SPIDR: variants seen among roughly 807,000 people sequenced by gnomAD.
SPIDR encodes the protein scaffold protein involved in DNA repair, also known as DNA repair-scaffolding protein.
A neutral mutation model predicts 104.6 loss-of-function variants in SPIDR; 93 were observed. The observed-to-expected ratio is 0.89, with a 90% CI of 0.75 to 1.06. The LOEUF (loss-of-function observed/expected upper bound fraction) is 1.06. SPIDR is among the 50% of genes least tolerant of loss of function. SPIDR has a pLI of 0.00. For synonymous variants in SPIDR, 431 were observed against 416.9 expected, an observed-to-expected ratio of 1.03 and a Z score of -0.41; for missense variants, 1,154 against 1,111.2, an observed-to-expected ratio of 1.04 and a Z score of -0.55.
chr8:47,261,749 C>T (rs1017000357), intron 1 of SPIDR, among the ~76,000 whole-genome samples: 18 of 152,184 alleles, frequency 1.2e-4, no homozygotes, highest in Non-Finnish European at 2.1e-4. Flanking sequence ...AACTTCTTTA[C>T]CACTACCATG....
intron 8 of SPIDR, among the ~76,000 whole-genome samples, chr8:47,448,842 A>G (rs1371520675): frequency 6.6e-6 from 1 of 152,166 alleles, no homozygotes; most frequent in African/African-American, 2.4e-5. Context: ...GTAAAGACCA[A>G]AAAGTCAGAA....
At chr8:47,347,998 A>T (rs1212673441) in intron 5 of SPIDR, among the ~76,000 whole-genome samples, 4 of 152,082 alleles carry the variant, frequency 2.6e-5, no homozygotes, top group Non-Finnish European at 4.4e-5. Flanking sequence ...TTATGATGTT[A>T]GCTGGTTATT....
chr8:47,409,174 G>A (rs1474302900), intron 7 of SPIDR, among the ~76,000 whole-genome samples: 2 of 152,068 alleles, frequency 1.3e-5, no homozygotes, highest in African/African-American at 4.8e-5. Context: ...GACAGAGTGA[G>A]ACTCTGTCTC....
intron 10 of SPIDR, among the ~76,000 whole-genome samples, chr8:47,672,223 A>G (rs1479140268): frequency 6.6e-6 from 1 of 152,244 alleles, no homozygotes; most frequent in Non-Finnish European, 1.5e-5. Context: ...GGCCTACCAA[A>G]GTGCTGGGAT....
At chr8:47,587,817 G>T (rs1439829995) in intron 8 of SPIDR, among the ~76,000 whole-genome samples, 1 of 150,280 alleles carries the variant, frequency 6.7e-6, no homozygotes, top group Non-Finnish European at 1.5e-5. Context: ...AAAAAAATCA[G>T]TTGGGCATAT....
chr8:47,674,087 G>C, intron 11 of SPIDR, 146 bp downstream of exon 11: 13 of 883,182 alleles, frequency 1.5e-5, no homozygotes, highest in Non-Finnish European at 2.1e-5. Context: ...GGAGTTGAGT[G>C]GAATCTATAA....
intron 10 of SPIDR, among the ~76,000 whole-genome samples, chr8:47,652,523 GTCTTC>G (rs980470263): frequency 6.6e-6 from 1 of 152,196 alleles, no homozygotes; most frequent in African/African-American, 2.4e-5. Context: ...AAATAGAGTT[GTCTTC>G]TAAAAGTGGC....
At chr8:47,671,350 C>T (rs1339007464) in intron 10 of SPIDR, among the ~76,000 whole-genome samples, 1 of 152,016 alleles carries the variant, frequency 6.6e-6, no homozygotes, top group African/African-American at 2.4e-5. Flanking sequence ...TTTGGGAGAC[C>T]GAGGTAGGCA....
intron 12 of SPIDR, among the ~76,000 whole-genome samples, chr8:47,701,308 T>C (rs1431012052): frequency 6.6e-6 from 1 of 152,184 alleles, no homozygotes; most frequent in Non-Finnish European, 1.5e-5. Flanking sequence ...GGCTCATGGC[T>C]GTAATGCCAG....
intron 18 of SPIDR, 37 bp from the exon 19 acceptor site, chr8:47,729,375 G>A (rs1358182846): frequency 6.4e-7 from 1 of 1,567,638 alleles, no homozygotes; most frequent in Admixed American, 1.9e-5. Context: ...TACTGTGTTG[G>A]AGGGAGTTTA....
intron 7 of SPIDR, among the ~76,000 whole-genome samples, chr8:47,439,133 A>G (rs1192386377): frequency 1.3e-5 from 2 of 152,158 alleles, no homozygotes; most frequent in African/African-American, 2.4e-5. Flanking sequence ...AGAATTAGTA[A>G]CACATGTCAA....
rs530314933 is a variant in SPIDR, at chr8:47,418,540, A to G, written c.877+10579A>G. ...TTGGGCTGAGACGATGGGTTTTTCT[A>G]GATATACAATCATGTCATCTGCAAA... On this transcript the variant is annotated intron_variant, in intron 7 of 19. Transcript: ENST00000297423. Among the ~76,000 whole-genome samples, 15 of 152,288 alleles carry G rather than the reference A, an allele frequency of 9.8e-5. No individual in the cohort carries two copies. In the South Asian group the frequency reaches 2.9e-3, roughly 29 times the overall value.
chr8:47,362,152 T>C (rs1357500927), intron 5 of SPIDR, among the ~76,000 whole-genome samples: 2 of 152,182 alleles, frequency 1.3e-5, no homozygotes, highest in African/African-American at 2.4e-5. Context: ...GGTACACTCA[T>C]TTGAGGTCAG....
chr8:47,322,439 C>T (rs1281353946), intron 5 of SPIDR, among the ~76,000 whole-genome samples: 3 of 152,168 alleles, frequency 2.0e-5, no homozygotes, highest in Non-Finnish European at 4.4e-5. Context: ...CAGGAAACAA[C>T]AGGTGCTGGA....
rs376199621 is a variant in SPIDR, at chr8:47,385,984, T to C, written c.526-10392T>C. ...TTTAAAATGTATCCATATTTTGTTT[T>C]AGTTCTTTATAAAAATATTTTGATT... On this transcript the variant is annotated intron_variant, in intron 5 of 19. Transcript: ENST00000297423. Among the ~76,000 whole-genome samples the C allele has an allele frequency of 4.0e-3, 609 of 152,276 alleles. 4 individuals carry two copies. The highest frequency in any genetic ancestry group is 0.022 in the South Asian group (108 of 4,834).
intron 5 of SPIDR, among the ~76,000 whole-genome samples, chr8:47,350,017 C>T (rs2053142348): frequency 6.6e-6 from 1 of 152,220 alleles, no homozygotes; most frequent in Non-Finnish European, 1.5e-5. Context: ...CCGGTACCTC[C>T]TTTGGAAATG....
At chr8:47,361,873 A>C (rs1490676189) in intron 5 of SPIDR, among the ~76,000 whole-genome samples, 2 of 152,180 alleles carry the variant, frequency 1.3e-5, no homozygotes, top group Non-Finnish European at 1.5e-5. Flanking sequence ...CTTCATGATG[A>C]AAGTTAGGGA....
rs767025755 is a variant in SPIDR at position 47,599,130 on chromosome 8, C to G, written c.1478C>G (p.Pro493Arg). Residue 493 changes from proline to arginine, a missense_variant, in exon 10 of 20, where the codon CCC becomes CGC. Physicochemically the swap from Pro to Arg is moderately radical, Grantham distance 103 (BLOSUM62 -2). Coordinates refer to ENST00000297423, the MANE Select transcript of SPIDR (RefSeq NM_001080394.4). ...GTGGTGCAAAGAGTGTATTCTCTTC[C>G]CAGCAGAGACAGCACCAGGGGTCAG... is the stretch of plus-strand genomic sequence containing the variant. ...RVVVQRVYSL[P>R]SRDSTRGQQG... 6.2e-7 allele frequency: 1 copy of G among 1,613,318 alleles called. No homozygotes were observed.
At chr8:47,655,767 T>A (rs1411483274) in intron 10 of SPIDR, among the ~76,000 whole-genome samples, 1 of 152,222 alleles carries the variant, frequency 6.6e-6, no homozygotes, top group Non-Finnish European at 1.5e-5. Context: ...TTGTTGCCAT[T>A]GCTTTTGGTG....
Sources: allele counts gnomAD v4.1 joint callset (sites outside exome capture counted in the v4.1 genomes callset), GRCh38; gene constraint gnomAD v4.1.1; transcripts MANE v1.5; gene names NCBI Gene and HGNC (gene_info 2026-07-23, HGNC 2026-07-21).